Variants in TG observed in about 807,000 individuals in gnomAD.
TG encodes thyroid hormones.
TG carries 270 observed loss-of-function variants against 324.7 expected under a neutral mutation model. That is an observed-to-expected ratio of 0.83 (90% CI 0.75 to 0.92). The LOEUF is 0.92. TG is among the 40% of genes least tolerant of loss of function. The pLI, the probability that TG is intolerant of heterozygous loss-of-function variation, is 0.00. For synonymous variants in TG, 1,401 were observed against 1,327.0 expected, an observed-to-expected ratio of 1.06 and a Z score of -1.21; for missense variants, 3,591 against 3,456.4, an observed-to-expected ratio of 1.04 and a Z score of -0.98.
intron 27 of TG, among the ~76,000 whole-genome samples, chr8:132,949,539 C>A (rs1178424389): frequency 1.3e-5 from 2 of 152,178 alleles, no homozygotes; most frequent in Non-Finnish European, 2.9e-5. Flanking sequence ...GCCTGAAATG[C>A]AATCTGTCCC....
chr8:133,038,452 T>G, intron 41 of TG: 4 of 1,280,330 alleles, frequency 3.1e-6, no homozygotes, highest in Non-Finnish European at 4.5e-6. Context: ...GGAACCTCGC[T>G]TTTCGCAAGA....
intron 34 of TG, among the ~76,000 whole-genome samples, chr8:132,974,373 C>T (rs962497975): frequency 1.3e-4 from 20 of 152,198 alleles, no homozygotes; most frequent in Non-Finnish European, 2.8e-4. Flanking sequence ...ACGTCCCTGC[C>T]GTTTCAGACC....
At chr8:132,891,002 G>A (rs1325969427) in intron 10 of TG, among the ~76,000 whole-genome samples, 1 of 152,216 alleles carries the variant, frequency 6.6e-6, no homozygotes, top group African/African-American at 2.4e-5. Flanking sequence ...GAGAAGCTCA[G>A]AGACCAGTGG....
intron 18 of TG, among the ~76,000 whole-genome samples, chr8:132,911,025 A>C (rs1353390506): frequency 2.6e-5 from 4 of 152,154 alleles, no homozygotes; most frequent in African/African-American, 7.2e-5. Flanking sequence ...GGTGGATGCT[A>C]TAGGGGTTCG....
chr8:132,956,799 C>A (rs990327422), intron 27 of TG, among the ~76,000 whole-genome samples: 1 of 152,034 alleles, frequency 6.6e-6, no homozygotes, highest in Non-Finnish European at 1.5e-5. Flanking sequence ...GGGCCAAGGT[C>A]AAAGCCTGGG....
intron 41 of TG, among the ~76,000 whole-genome samples, chr8:133,087,216 C>T (rs1846731097): frequency 6.6e-6 from 1 of 152,070 alleles, no homozygotes. Context: ...GTTTCGTTCA[C>T]TTGTTTTGTC....
chr8:133,034,546 G>A (rs1264816284), intron 41 of TG, among the ~76,000 whole-genome samples: 5 of 152,144 alleles, frequency 3.3e-5, no homozygotes, highest in Non-Finnish European at 5.9e-5. Flanking sequence ...TCGTTATTCT[G>A]CAAATAATGG....
chr8:132,933,434 T>TGTG, intron 23 of TG, 127 bp from the exon 24 acceptor site: 3 of 680,232 alleles, frequency 4.4e-6, no homozygotes, highest in Non-Finnish European at 5.3e-6. Flanking sequence ...ATCTGCATAT[T>TGTG]TGTGTGTGTG....
rs980888558 is a variant in TG, at chr8:133,096,330, G to C, written c.7529G>C (p.Ser2510Thr). 2 of 1,614,084 alleles carry C rather than the reference G, an allele frequency of 1.2e-6. No homozygotes were observed. Among genetic ancestry groups the C allele is most frequent in the Non-Finnish European group, 8.5e-7 (1 of 1,180,046 alleles). The stretch of plus-strand genomic sequence containing the variant: ...GTAGAGGTCGATCTGCTCATTGGGA[G>C]TTCTCAGGACGACGGGCTCATCAAC... The part of the protein sequence containing the change: ...LWVEVDLLIG[S>T]SQDDGLINRA... Residue 2510 changes from serine (S) to threonine (T), a missense_variant, in exon 43 of 48, where the codon AGT (serine) becomes ACT (threonine). Coordinates refer to ENST00000220616, the MANE Select transcript of TG (RefSeq NM_003235.5).
chr8:133,052,395 C>A (rs1285390647), intron 41 of TG, among the ~76,000 whole-genome samples: 1 of 152,078 alleles, frequency 6.6e-6, no homozygotes, highest in Non-Finnish European at 1.5e-5. Context: ...AGACAGAAAC[C>A]AAGAGTGATC....
chr8:132,981,452 A>C (rs1026699361), intron 34 of TG, among the ~76,000 whole-genome samples: 33 of 152,274 alleles, frequency 2.2e-4, no homozygotes, highest in African/African-American at 7.7e-4. Flanking sequence ...TGAAGATTGC[A>C]CTCTCAGGAG....
chr8:133,069,875 G>A (rs1199329110), intron 41 of TG, among the ~76,000 whole-genome samples: 1 of 151,568 alleles, frequency 6.6e-6, no homozygotes, highest in Non-Finnish European at 1.5e-5. Flanking sequence ...GGTGGCAGGT[G>A]CTGAAATCCC....
chr8:133,044,801 GCAA>G (rs1453903549), intron 41 of TG, among the ~76,000 whole-genome samples: 24 of 152,296 alleles, frequency 1.6e-4, no homozygotes, highest in African/African-American at 5.8e-4. Context: ...ACTTATTAAG[GCAA>G]CATGCACAGG....
chr8:133,117,273 C>A (rs1850774576), intron 45 of TG, among the ~76,000 whole-genome samples: 1 of 152,052 alleles, frequency 6.6e-6, no homozygotes, highest in African/African-American at 2.4e-5. Flanking sequence ...TTGAGTTTCC[C>A]AGAAGCTGGG....
intron 41 of TG, among the ~76,000 whole-genome samples, chr8:133,067,435 C>T (rs1335833989): frequency 6.6e-6 from 1 of 152,160 alleles, no homozygotes; most frequent in Non-Finnish European, 1.5e-5. Context: ...GCCTTCTTCT[C>T]AGGCCTGACT....
intron 39 of TG, among the ~76,000 whole-genome samples, chr8:133,021,562 A>C (rs185254629): frequency 5.3e-5 from 8 of 152,344 alleles, no homozygotes; most frequent in African/African-American, 1.9e-4. Flanking sequence ...GGCTTAAACA[A>C]CAGAGAGATT....
intron 41 of TG, among the ~76,000 whole-genome samples, chr8:133,061,831 C>T (rs905974483): frequency 6.6e-6 from 1 of 152,114 alleles, no homozygotes; most frequent in Non-Finnish European, 1.5e-5. Context: ...CAGAGCAAGG[C>T]CCTCCCCGGG....
chr8:132,881,792 T>A lies in TG; in HGVS notation c.639-71T>A, dbSNP rs2294002. The stretch of plus-strand genomic sequence containing the variant: ...TCACTAGGCGTGGACTTGGCCACAT[T>A]TATTTCTACAGGAAAAGCTTGTGAT... On this transcript the variant is annotated intron_variant, in intron 5 of 47. Transcript: ENST00000220616. 1.1e-3 allele frequency: 1,227 copies of A among 1,104,778 alleles called. 22 individuals are homozygous for A. The East Asian group carries it at 0.026, about 23-fold the overall frequency. The allele number at this position is 1,104,778 out of a possible 1,614,324, so 68.4% of individuals were successfully genotyped here. A position where few individuals can be genotyped will look rare whatever the true frequency, so the allele number is the denominator to read the frequency against.
intron 33 of TG, 89 bp downstream of exon 33, chr8:132,971,962 G>A (rs1374053906): frequency 3.2e-6 from 3 of 948,004 alleles, no homozygotes; most frequent in Admixed American, 1.8e-5. Context: ...CAAATCCTCA[G>A]CATCTCCTAT....
Sources: gnomAD v4.1 joint callset for allele counts (sites outside exome capture counted in the v4.1 genomes callset) on GRCh38, gnomAD v4.1.1 for gene constraint, MANE v1.5 for transcripts, NCBI Gene and HGNC (gene_info 2026-07-23, HGNC 2026-07-21) for gene names.